The following DIAPH2 variants were observed in gnomAD, a reference collection of about 807,000 sequenced individuals.
DIAPH2 encodes the protein protein diaphanous homolog 2.
DIAPH2 carries 35 observed loss-of-function variants against 92.7 expected under a neutral mutation model. That is an observed-to-expected ratio of 0.38 (90% confidence interval 0.29 to 0.50). The LOEUF (loss-of-function observed/expected upper bound fraction) is 0.50, where lower values mean the gene tolerates loss of function less well. Ranked by LOEUF, DIAPH2 falls within the 20% of genes least tolerant of loss-of-function variation. The pLI is 0.94. For missense variants in DIAPH2, 701 were observed against 819.5 expected (o/e 0.86, Z 1.77); for synonymous variants, 301 against 280.4 (o/e 1.07, Z -0.73).
chrX:97,482,926 G>A (rs182315903), intron 26 of DIAPH2, among the ~76,000 whole-genome samples: 1 of 111,166 alleles, frequency 9.0e-6, no homozygotes, highest in Non-Finnish European at 1.9e-5. Context: ...GCTCTGGGGT[G>A]GGGGGAGTAG....
At chrX:97,385,288 A>G (rs1401130805) in intron 25 of DIAPH2, among the ~76,000 whole-genome samples, 1 of 110,901 alleles carries the variant, frequency 9.0e-6, no homozygotes, top group African/African-American at 3.3e-5. Flanking sequence ...GCTGGAGTGC[A>G]GTGGCTTGAT....
At chrX:96,951,090 ACCTG>A (rs1332634387) in intron 15 of DIAPH2, among the ~76,000 whole-genome samples, 1 of 111,689 alleles carries the variant, frequency 9.0e-6, no homozygotes, top group African/African-American at 3.3e-5. Flanking sequence ...CACTGAAGAA[ACCTG>A]CCTACCTCTT....
At chrX:97,547,267 C>A (rs1297114566) in intron 26 of DIAPH2, among the ~76,000 whole-genome samples, 1 of 111,892 alleles carries the variant, frequency 8.9e-6, no homozygotes, top group African/African-American at 3.3e-5. Context: ...AAATTGTCTT[C>A]TGTCTAGCTC....
At chrX:96,829,044 T>C (rs2147685786) in intron 4 of DIAPH2, among the ~76,000 whole-genome samples, 1 of 112,520 alleles carries the variant, frequency 8.9e-6, no homozygotes, top group Non-Finnish European at 1.9e-5. Flanking sequence ...AAGTACTTAT[T>C]TCCTTAACTG....
intron 25 of DIAPH2, among the ~76,000 whole-genome samples, chrX:97,417,389 C>CACACACACAT (rs1229124029): frequency 9.2e-6 from 1 of 109,242 alleles, no homozygotes; most frequent in Admixed American, 9.7e-5. Context: ...CACACACACA[C>CACACACACAT]ACACACACAT....
chrX:97,534,307 T>C, intron 26 of DIAPH2, among the ~76,000 whole-genome samples: 1 of 110,846 alleles, frequency 9.0e-6, no homozygotes, highest in East Asian at 2.8e-4. Flanking sequence ...TAAATCCTTG[T>C]GGCTAGGATT....
At chrX:96,866,822 A>G (rs1339448352) in intron 4 of DIAPH2, among the ~76,000 whole-genome samples, 2 of 112,242 alleles carry the variant, frequency 1.8e-5, no homozygotes, top group Non-Finnish European at 3.8e-5. Context: ...ATGTGTGTGC[A>G]TGTCTGTTGA....
Position 97,219,608 on chromosome X carries a change from A to T in DIAPH2, c.2720-28107A>T, listed in dbSNP as rs779266079. On this transcript the variant is annotated intron_variant, in intron 22 of 26. Coordinates refer to ENST00000324765, the MANE Select transcript of DIAPH2 (RefSeq NM_006729.5). Reference sequence around the variant, plus strand: ...TAAAGCCACATCTTAATTCTTAGGAATTCTCAGGTAAAATTATAATAAAAT... The same window carrying T: ...TAAAGCCACATCTTAATTCTTAGGATTTCTCAGGTAAAATTATAATAAAAT... Among the ~76,000 whole-genome samples, 8 of 112,073 alleles carry T rather than the reference A, an allele frequency of 7.1e-5. No homozygotes were observed. The South Asian group carries it at 3.0e-3, about 42-fold the overall frequency.
At chrX:97,422,955 T>C (rs2070024067) in intron 25 of DIAPH2, among the ~76,000 whole-genome samples, 1 of 111,769 alleles carries the variant, frequency 8.9e-6, no homozygotes, top group Admixed American at 9.5e-5. Flanking sequence ...TAACTCTTGT[T>C]ATTCATTCAT....
At chrX:97,312,989 T>C (rs1443558648) in intron 23 of DIAPH2, among the ~76,000 whole-genome samples, 1 of 109,760 alleles carries the variant, frequency 9.1e-6, no homozygotes, top group African/African-American at 3.3e-5. Flanking sequence ...CCATCCTGTC[T>C]AACATGGTGA....
At chrX:97,543,152 A>C in intron 26 of DIAPH2, among the ~76,000 whole-genome samples, 1 of 112,199 alleles carries the variant, frequency 8.9e-6, no homozygotes, top group East Asian at 2.8e-4. Context: ...TCCCATTCAT[A>C]TGTTTGGTGG....
At chrX:97,544,608 GGCCAGGTCAT>G (rs1435920442) in intron 26 of DIAPH2, among the ~76,000 whole-genome samples, 3 of 111,630 alleles carry the variant, frequency 2.7e-5, no homozygotes, top group African/African-American at 9.8e-5. Flanking sequence ...AAGTAACTTA[GGCCAGGTCAT>G]TTTTACTTAC....
chrX:97,483,582 A>T (rs1398420800), intron 26 of DIAPH2, among the ~76,000 whole-genome samples: 2 of 112,159 alleles, frequency 1.8e-5, no homozygotes, highest in Non-Finnish European at 3.8e-5. Flanking sequence ...AGAGAAATAT[A>T]CTTGTGTTCA....
intron 22 of DIAPH2, among the ~76,000 whole-genome samples, chrX:97,186,105 A>G (rs992930698): frequency 5.4e-5 from 6 of 111,725 alleles, no homozygotes; most frequent in African/African-American, 1.6e-4. Context: ...ATTTTCATTT[A>G]TCCCTGATAA....
intron 21 of DIAPH2, among the ~76,000 whole-genome samples, chrX:97,116,247 G>T (rs2067015886): frequency 8.9e-6 from 1 of 111,828 alleles, no homozygotes; most frequent in African/African-American, 3.3e-5. Context: ...AACACTTATA[G>T]ATAATAATAG....
At chrX:96,986,972 A>AT (rs890757874) in intron 17 of DIAPH2, among the ~76,000 whole-genome samples, 2 of 111,793 alleles carry the variant, frequency 1.8e-5, no homozygotes, top group African/African-American at 6.5e-5. Context: ...GTGATTAAAG[A>AT]TTTTTTGAGA....
intron 22 of DIAPH2, among the ~76,000 whole-genome samples, chrX:97,200,202 G>C (rs753511726): frequency 2.7e-5 from 3 of 112,570 alleles, no homozygotes; most frequent in African/African-American, 9.7e-5. Flanking sequence ...CTGCAGATCA[G>C]GAGATTCCCT....
intron 10 of DIAPH2, among the ~76,000 whole-genome samples, chrX:96,935,668 A>G (rs768238446): frequency 5.4e-5 from 6 of 111,526 alleles, no homozygotes; most frequent in Admixed American, 3.8e-4. Flanking sequence ...CTCATATACT[A>G]TGTATATTGT....
At chrX:97,341,135 T>C (rs969068512) in intron 23 of DIAPH2, 1 of 108,859 alleles carries the variant, frequency 9.2e-6, no homozygotes, top group African/African-American at 3.4e-5. Context: ...TGGGCTATAA[T>C]GCGCTAGGCT....
Sources: gnomAD v4.1 joint callset for allele counts (sites outside exome capture counted in the v4.1 genomes callset) on GRCh38, gnomAD v4.1.1 for gene constraint, MANE v1.5 for transcripts, NCBI Gene and HGNC (gene_info 2026-07-23, HGNC 2026-07-21) for gene names.